Variants in ANKAR observed in about 807,000 individuals in gnomAD.
ANKAR encodes ankyrin and armadillo repeat-containing protein.
ANKAR carries 136 observed loss-of-function variants against 146.2 expected under a neutral mutation model. The ratio of observed to expected loss-of-function variants is 0.93; its 90% CI spans 0.81 to 1.07. ANKAR has a LOEUF of 1.07. Among genes scored for constraint, ANKAR ranks in the 50% least tolerant of loss-of-function variants. ANKAR has a pLI of 0.00. For missense variants in ANKAR, 1,567 were observed against 1,679.9 expected (o/e 0.93, Z 1.18); for synonymous variants, 500 against 575.8 (o/e 0.87, Z 1.88).
At chr2:189,729,695 CGTGT>C (rs139823318) in intron 15 of ANKAR, among the ~76,000 whole-genome samples, 1 of 94,206 alleles carries the variant, frequency 1.1e-5, no homozygotes, top group Non-Finnish European at 2.5e-5. Flanking sequence ...ATCAGCTGTG[CGTGT>C]GTGTGTGTGT....
intron 2 of ANKAR, among the ~76,000 whole-genome samples, chr2:189,678,664 C>A (rs1272289540): frequency 6.6e-6 from 1 of 152,168 alleles, no homozygotes; most frequent in Non-Finnish European, 1.5e-5. Flanking sequence ...ATCCCAGCAC[C>A]ATTTGTTGAA....
Position 189,692,247 on chromosome 2 carries a change from T to C in ANKAR, c.1040-8T>C. ...TTTTTAAATAAAAATTTGTTTTCAT[T>C]TTTGGAGATGACAAGGTCAAGACAG... On this transcript the variant is annotated splice_region_variant and splice_polypyrimidine_tract_variant and intron_variant, in intron 3 of 22. Transcript: ENST00000684021. 6.3e-7 allele frequency: 1 copy of C among 1,585,912 alleles called. No individual in the cohort carries two copies. Among genetic ancestry groups the C allele is most frequent in the Non-Finnish European group, 8.5e-7 (1 of 1,171,584 alleles).
intron 2 of ANKAR, among the ~76,000 whole-genome samples, chr2:189,684,342 T>C (rs1339584658): frequency 1.3e-5 from 2 of 152,140 alleles, no homozygotes; most frequent in Non-Finnish European, 2.9e-5. Context: ...CTGCCTACTC[T>C]ATTTGGACTC....
At chr2:189,683,050 G>A (rs2034986568) in intron 2 of ANKAR, among the ~76,000 whole-genome samples, 1 of 152,122 alleles carries the variant, frequency 6.6e-6, no homozygotes, top group African/African-American at 2.4e-5. Context: ...TTATAAAAGA[G>A]GCCCCAGAGA....
chr2:189,676,775 A>G lies in ANKAR; in HGVS notation c.285A>G (p.Leu95=). Residue 95 remains leucine (L), a synonymous_variant, in exon 2 of 23, where the codon TTA becomes TTG. Coordinates refer to ENST00000684021, the MANE Select transcript of ANKAR (RefSeq NM_001378068.1). ...LLTPVDPTAL[L]DYREVHQMIR... is the part of the protein sequence containing the mutation. ...CTCCCGTGGACCCTACTGCCCTCTT[A>G]GACTATAGAGAGGTCCATCAAATGA... 1.9e-6 allele frequency: 3 copies of G among 1,614,200 alleles called. No homozygotes were observed. Among genetic ancestry groups the G allele is most frequent in the Non-Finnish European group, 2.5e-6 (3 of 1,180,042 alleles).
At chr2:189,750,450 A>AT (rs1559160130), downstream of ANKAR, 1 of 511,598 alleles carries the variant, frequency 2.0e-6, no homozygotes, top group Non-Finnish European at 3.5e-6. Context: ...AACATCAAAT[A>AT]GAAAAAAAAA....
intron 18 of ANKAR, chr2:189,753,048 G>A (rs1015571789): frequency 7.2e-7 from 1 of 1,388,446 alleles, no homozygotes; most frequent in Middle Eastern, 1.9e-4. Context: ...ATTAAACCTG[G>A]AGAAAAATAT....
At position 189,722,438 on chromosome 2, in the gene ANKAR, T is replaced by A. The variant is rs114860775; in HGVS notation, c.2635+1651T>A. Among the ~76,000 whole-genome samples the A allele has an allele frequency of 2.1e-3, 323 of 152,300 alleles. 2 individuals are homozygous for A. Among genetic ancestry groups the A allele is most frequent in the South Asian group, 5.4e-3 (26 of 4,828 alleles). On this transcript the variant is annotated intron_variant, in intron 12 of 22. Transcript: ENST00000684021. ...TCATTTATAGTCATTCTTTATCTCT[T>A]TTTTTGTTTGTGTTTTATCTAACTA... is the stretch of plus-strand genomic sequence containing the variant.
At chr2:189,747,026 C>T (rs1189329728), downstream of ANKAR, 2 of 154,648 alleles carry the variant, frequency 1.3e-5, no homozygotes, top group African/African-American at 4.8e-5. Flanking sequence ...CTTCTAAGAC[C>T]CAAAATGTAT....
intron 12 of ANKAR, among the ~76,000 whole-genome samples, chr2:189,726,738 G>T (rs1037410071): frequency 1.3e-5 from 2 of 152,082 alleles, no homozygotes; most frequent in Non-Finnish European, 2.9e-5. Flanking sequence ...TTAAAGTATT[G>T]CATCTACTAA....
At chr2:189,758,181 G>A (rs547132243) in intron 18 of ANKAR, among the ~76,000 whole-genome samples, 11 of 152,198 alleles carry the variant, frequency 7.2e-5, no homozygotes, top group African/African-American at 2.4e-4. Flanking sequence ...TCGGGAGTTC[G>A]AGACAGCCTG....
At chr2:189,755,353 A>T (rs2045935357) in intron 18 of ANKAR, 3 of 1,613,610 alleles carry the variant, frequency 1.9e-6, no homozygotes, top group Non-Finnish European at 2.5e-6. Context: ...GATGAATGGG[A>T]ATGAATGGCT....
In ANKAR at chr2:189,743,285, C is replaced by T. The variant is rs763382895; in HGVS notation, c.3821C>T (p.Ala1274Val). 3.7e-6 allele frequency: 6 copies of T among 1,613,586 alleles called. No individual in the cohort carries two copies. Among genetic ancestry groups the T allele is most frequent in the East Asian group, 4.5e-5 (2 of 44,846 alleles). The change falls in exon 21 of 23, where the codon GCT becomes GTT. Residue 1274 changes from alanine (A) to valine (V), a missense_variant. Physicochemically the swap from Ala to Val is moderately conservative, Grantham distance 64. Transcript: ENST00000684021. ...LYSGIEEVRA[A>V]CSSALGYLTY... ...TGTTTCTTCATTTAGGTTCGTGCAG[C>T]TTGTTCCTCTGCTCTTGGCTACTTA...
At chr2:189,699,145 A>G (rs1047482827) in intron 7 of ANKAR, among the ~76,000 whole-genome samples, 2 of 152,276 alleles carry the variant, frequency 1.3e-5, no homozygotes, top group African/African-American at 4.8e-5. Context: ...TGAGGGGTGT[A>G]CATTTTATTG....
chr2:189,758,165 T>C (rs1020525131), intron 18 of ANKAR, among the ~76,000 whole-genome samples: 4 of 152,126 alleles, frequency 2.6e-5, no homozygotes, highest in Non-Finnish European at 4.4e-5. Context: ...GGTGGATCAC[T>C]TGAGGTCGGG....
chr2:189,709,174 G>C (rs2039364972), intron 9 of ANKAR, among the ~76,000 whole-genome samples: 1 of 152,112 alleles, frequency 6.6e-6, no homozygotes, highest in African/African-American at 2.4e-5. Context: ...GTACATTACA[G>C]TGCTCAGCTG....
intron 18 of ANKAR, chr2:189,755,506 T>C (rs1235239749): frequency 6.2e-7 from 1 of 1,602,432 alleles, no homozygotes. Context: ...GTACTATTCG[T>C]TGAATATTTT....
At chr2:189,713,225 C>T (rs569159485) in intron 10 of ANKAR, among the ~76,000 whole-genome samples, 2 of 152,136 alleles carry the variant, frequency 1.3e-5, no homozygotes, top group African/African-American at 4.8e-5. Context: ...ACTTCCCCAA[C>T]CTAGCAAGGA....
At chr2:189,760,064 C>T (rs151052089) in intron 18 of ANKAR, among the ~76,000 whole-genome samples, 15,973 of 152,098 alleles carry the variant, frequency 0.11, 982 homozygotes, top group Middle Eastern at 0.16. Context: ...TCAGAGAGCA[C>T]GGGGTTGGGG....
Sources: gnomAD v4.1 joint callset for allele counts (sites outside exome capture counted in the v4.1 genomes callset) on GRCh38, gnomAD v4.1.1 for gene constraint, MANE v1.5 for transcripts, NCBI Gene and HGNC (gene_info 2026-07-23, HGNC 2026-07-21) for gene names.